The following POLR1D variants were observed in gnomAD, a reference collection of about 807,000 sequenced individuals.
The protein encoded by POLR1D is RNA polymerase I and III subunit D.
POLR1D carries 8 observed loss-of-function variants against 10.8 expected under a neutral mutation model. That is an observed-to-expected ratio of 0.74 (90% confidence interval 0.43 to 1.33). The LOEUF (loss-of-function observed/expected upper bound fraction) is 1.33. Ranked by LOEUF, POLR1D falls within the 40% of genes most tolerant of loss-of-function variation. POLR1D has a pLI of 0.01. For missense variants in POLR1D, 152 were observed against 161.7 expected (o/e 0.94, Z 0.32); for synonymous variants, 54 against 57.2 (o/e 0.94, Z 0.25).
downstream of POLR1D, among the ~76,000 whole-genome samples, chr13:27,628,036 G>A (rs1593278594): frequency 6.6e-6 from 1 of 152,066 alleles, no homozygotes; most frequent in African/African-American, 2.4e-5. Context: ...AACCAGTAAG[G>A]CAGGATTTAT....
At chr13:27,632,227 G>A (rs1455389092) in intron 1 of POLR1D, among the ~76,000 whole-genome samples, 1 of 152,204 alleles carries the variant, frequency 6.6e-6, no homozygotes, top group Admixed American at 6.5e-5. Context: ...AGCAGTATGG[G>A]AGAGTGATAT....
intron 2 of POLR1D, among the ~76,000 whole-genome samples, chr13:27,657,490 C>T (rs1003431275): frequency 6.6e-6 from 1 of 152,074 alleles, no homozygotes; most frequent in African/African-American, 2.4e-5. Context: ...TGCGCCACTG[C>T]ACTCCAGCCT....
At chr13:27,643,320 T>C (rs913248079) in intron 1 of POLR1D, among the ~76,000 whole-genome samples, 4 of 152,354 alleles carry the variant, frequency 2.6e-5, no homozygotes, top group African/African-American at 4.8e-5. Context: ...AGTGTTCCTA[T>C]TGAGTTTTAC....
At chr13:27,620,913 G>C (rs552785988), upstream of POLR1D, 1 of 151,178 alleles carries the variant, frequency 6.6e-6, no homozygotes, top group Non-Finnish European at 1.5e-5. Context: ...GGGGCGGGGT[G>C]GGGGGAGGCC....
upstream of POLR1D, chr13:27,621,732 T>A (rs960503450): frequency 3.2e-6 from 1 of 313,404 alleles, no homozygotes; most frequent in Non-Finnish European, 5.8e-6. Flanking sequence ...TGGCCTCGCG[T>A]GGTCGCCCAG....
intron 2 of POLR1D, among the ~76,000 whole-genome samples, chr13:27,655,446 G>T (rs1224907082): frequency 6.6e-6 from 1 of 152,110 alleles, no homozygotes; most frequent in African/African-American, 2.4e-5. Context: ...GTCTTTTATA[G>T]TGGTTGCCTT....
intron 1 of POLR1D, among the ~76,000 whole-genome samples, chr13:27,642,647 T>C (rs1477380298): frequency 2.0e-5 from 3 of 152,210 alleles, no homozygotes; most frequent in South Asian, 2.1e-4. Context: ...AACTTAACCA[T>C]GTATGTGCCA....
intron 1 of POLR1D, among the ~76,000 whole-genome samples, chr13:27,646,460 A>G (rs1312949604): frequency 6.6e-6 from 1 of 152,218 alleles, no homozygotes; most frequent in Non-Finnish European, 1.5e-5. Flanking sequence ...TGGTCATCAG[A>G]TGAACTTACC....
upstream of POLR1D, chr13:27,620,805 C>G (rs1402025788): frequency 6.5e-6 from 1 of 153,576 alleles, no homozygotes; most frequent in African/African-American, 2.4e-5. Context: ...CCGCCTGATT[C>G]CCCTGCGGAA....
At chr13:27,662,865 T>A (rs1956377913) in intron 2 of POLR1D, among the ~76,000 whole-genome samples, 1 of 152,154 alleles carries the variant, frequency 6.6e-6, no homozygotes, top group South Asian at 2.1e-4. Flanking sequence ...TGCAACCCTT[T>A]AAGATAGTCG....
chr13:27,632,682 A>G (rs1376758820), intron 1 of POLR1D, among the ~76,000 whole-genome samples: 1 of 122,106 alleles, frequency 8.2e-6, no homozygotes, highest in Non-Finnish European at 1.7e-5. Context: ...TTTTTTCTAT[A>G]GCACTTATCT....
chr13:27,628,413 A>G (rs999023623), downstream of POLR1D, among the ~76,000 whole-genome samples: 42 of 152,220 alleles, frequency 2.8e-4, no homozygotes, highest in African/African-American at 1.0e-3. Context: ...GCAAACATTT[A>G]ATTTCAGGTA....
At chr13:27,631,599 A>G (rs1956074148) in intron 1 of POLR1D, among the ~76,000 whole-genome samples, 1 of 152,152 alleles carries the variant, frequency 6.6e-6, no homozygotes, top group Admixed American at 6.5e-5. Context: ...TTACCTTGCT[A>G]TATTCCTTCA....
upstream of POLR1D, chr13:27,621,886 G>A (rs1566139769): frequency 2.3e-6 from 3 of 1,318,098 alleles, no homozygotes; most frequent in Non-Finnish European, 3.2e-6. Context: ...CCTTCCGTCG[G>A]TCGGTCCTTG....
intron 1 of POLR1D, among the ~76,000 whole-genome samples, chr13:27,647,826 G>A (rs1956233847): frequency 6.6e-6 from 1 of 151,956 alleles, no homozygotes; most frequent in Non-Finnish European, 1.5e-5. Context: ...ATTTTCATAG[G>A]ACAAAGTAAA....
chr13:27,653,454 T>C (rs1042716038), intron 2 of POLR1D, among the ~76,000 whole-genome samples: 1 of 152,118 alleles, frequency 6.6e-6, no homozygotes, highest in Admixed American at 6.5e-5. Flanking sequence ...ATACTCCAGA[T>C]TGTAAGAGGT....
In POLR1D at chr13:27,623,129, A is replaced by C. The variant is rs749308962; in HGVS notation, c.281A>C (p.Glu94Ala). ...IQTRGTLPAV[E>A]PFQRGLNELM... ...ACTCGAGGTACCCTTCCAGCTGTTG[A>C]GCCATTTCAGAGAGGCCTGAATGAG... is the stretch of plus-strand genomic sequence containing the variant. Residue 94 changes from glutamate to alanine, a missense_variant, in exon 2 of 2, where the codon GAG becomes GCG. Glu to Ala is a moderately radical substitution (Grantham distance 107). Coordinates refer to ENST00000302979, the MANE Select transcript of POLR1D (RefSeq NM_015972.4). 1 of 1,614,210 alleles carries C rather than the reference A, an allele frequency of 6.2e-7. No individual in the cohort carries two copies. The highest frequency in any genetic ancestry group is 1.1e-5 in the South Asian group (1 of 91,084).
At chr13:27,638,136 C>T (rs1323185984) in intron 1 of POLR1D, among the ~76,000 whole-genome samples, 1 of 152,180 alleles carries the variant, frequency 6.6e-6, no homozygotes, top group Non-Finnish European at 1.5e-5. Context: ...TGGCAGTCCC[C>T]ACAGCAGGAG....
rs758795471 is a variant in POLR1D, at chr13:27,623,202, A to G, written c.354A>G (p.Ile118Met). ...TGCTTGACAAGTTTGAGGCCAGCAT[A>G]AAGGACTATAAGGATCAAAAAGCAA... Reference protein sequence around the residue: ...QHVLDKFEASIKDYKDQKASR... With the variant: ...QHVLDKFEASMKDYKDQKASR... Residue 118 changes from isoleucine (I) to methionine (M), a missense_variant, in exon 2 of 2, where the codon ATA (isoleucine) becomes ATG (methionine). Ile to Met is a conservative substitution (Grantham distance 10). Transcript: ENST00000302979. 4 of 1,614,062 alleles carry G rather than the reference A, an allele frequency of 2.5e-6. No homozygotes were observed. The Admixed American group carries it at 6.7e-5, about 27-fold the overall frequency.
Sources: allele counts gnomAD v4.1 joint callset (sites outside exome capture counted in the v4.1 genomes callset), GRCh38; gene constraint gnomAD v4.1.1; transcripts MANE v1.5; gene names NCBI Gene and HGNC (gene_info 2026-07-23, HGNC 2026-07-21).